LTBP4: variants seen among roughly 807,000 people sequenced by gnomAD.
LTBP4 encodes the protein latent transforming growth factor beta binding protein 4, also known as latent-transforming growth factor beta-binding protein 4.
A neutral mutation model predicts 180.2 loss-of-function variants in LTBP4; 93 were observed. The observed-to-expected ratio is 0.52, with a 90% confidence interval of 0.44 to 0.61. The LOEUF (loss-of-function observed/expected upper bound fraction) is 0.61, where lower values mean the gene tolerates loss of function less well. Among genes scored for constraint, LTBP4 ranks in the 20% least tolerant of loss-of-function variants. The pLI is 0.00. For missense variants in LTBP4, 2,116 were observed against 2,256.5 expected (o/e 0.94, Z 1.26); for synonymous variants, 947 against 934.5 (o/e 1.01, Z -0.24).
At position 40,629,701 on chromosome 19, in the gene LTBP4, T is replaced by TG; in HGVS notation, c.*152dup. 1 of 747,524 alleles carries TG rather than the reference T, an allele frequency of 1.3e-6. No individual in the cohort carries two copies. The allele number at this position is 747,524 out of a possible 1,614,324, so 46.3% of individuals were successfully genotyped here. ...GCCTGGAAGCTGCGACGCCCTGCAC[T>TG]GCTCCCGCCTCCACCAGCGCCTCCC... On this transcript the variant is annotated 3_prime_UTR_variant, in exon 30 of 30. Transcript: ENST00000396819. The surrounding 1 kb of genome is among the most constrained non-coding windows in gnomAD (Gnocchi z 4.5).
At position 40,605,783 on chromosome 19, in the gene LTBP4, G is replaced by T; in HGVS notation, c.745G>T (p.Gly249Cys). 1 of 1,541,678 alleles carries T rather than the reference G, an allele frequency of 6.5e-7. No homozygotes were observed. The change falls in exon 4 of 30, where the codon GGC becomes TGC. Residue 249 changes from glycine (G) to cysteine (C), a missense_variant. Around this residue, in one of 5 missense-constraint regions of LTBP4, gnomAD observed 469 missense variants for 532.5 expected, o/e 0.88. Transcript: ENST00000396819. This position sits in a 1 kb window ranked among gnomAD's most constrained non-coding sequence, Gnocchi z 5.5. ...RTQEVCCRGA[G>C]LAWGVHDCQL... ...GCAGGAGGTCTGCTGCCGAGGGGCC[G>T]GCTTGGCCTGGGGCGTTCACGACTG...
In LTBP4 at chr19:40,615,557, A is replaced by G. The variant is rs151338516; in HGVS notation, c.2812+1111A>G. Among the ~76,000 whole-genome samples the G allele has an allele frequency of 9.1e-3, 1,390 of 152,298 alleles. 22 individuals are homozygous for G. The highest frequency in any genetic ancestry group is 0.032 in the African/African-American group (1,326 of 41,548). Reference sequence around the variant, plus strand: ...GATGGATCACGAGGTCAGGAGATCGAGACTAGCCTGGCCAACATGGTGAAA... The same window carrying G: ...GATGGATCACGAGGTCAGGAGATCGGGACTAGCCTGGCCAACATGGTGAAA... On this transcript the variant is annotated intron_variant, in intron 19 of 29. Transcript: ENST00000396819.
At position 40,608,220 on chromosome 19, in the gene LTBP4, A is replaced by G; in HGVS notation, c.1157A>G (p.Glu386Gly). 6.2e-7 allele frequency: 1 copy of G among 1,613,842 alleles called. No individual in the cohort carries two copies. Among genetic ancestry groups the G allele is most frequent in the Non-Finnish European group, 8.5e-7 (1 of 1,179,888 alleles). ...GCQLCPPFGS[E>G]GFREICPAGP... ...CTCTGTCTCTCTTACCTATTCCCAG[A>G]GGGTTTCCGGGAGATCTGCCCGGCT... Residue 386 changes from glutamate to glycine, a missense_variant and splice_region_variant, in exon 8 of 30, where the codon GAG (glutamate) becomes GGG (glycine). By Grantham distance (98) the Glu-to-Gly change is moderately conservative. This residue lies in a region of LTBP4 where 877 missense variants were observed against 873.6 expected (regional missense o/e 1.00). Transcript: ENST00000396819.
At chr19:40,607,297 T>A in intron 6 of LTBP4, 68 bp from the exon 7 acceptor site, 9 of 335,968 alleles carry the variant, frequency 2.7e-5, no homozygotes, top group East Asian at 1.2e-4. Context: ...TTCCCCTCTC[T>A]CCCAAATCCC....
intron 1 of LTBP4, among the ~76,000 whole-genome samples, chr19:40,594,777 G>C (rs1452369958): frequency 1.3e-5 from 2 of 152,158 alleles, no homozygotes; most frequent in East Asian, 3.8e-4. Flanking sequence ...AGATTTCTGG[G>C]TGTCAGTGTG....
chr19:40,607,279 C>CCAAACA, intron 6 of LTBP4, 86 bp from the exon 7 acceptor site: 1 of 1,126,374 alleles, frequency 8.9e-7, no homozygotes, highest in Non-Finnish European at 1.3e-6. Flanking sequence ...CCCCCAACCC[C>CCAAACA]AGAACCATTC....
chr19:40,607,295 T>A, intron 6 of LTBP4, 70 bp from the exon 7 acceptor site: 2 of 275,734 alleles, frequency 7.3e-6, no homozygotes, highest in Non-Finnish European at 1.2e-5. Flanking sequence ...CATTCCCCTC[T>A]CTCCCAAATC....
chr19:40,604,146 G>A (rs2081442421), intron 1 of LTBP4, among the ~76,000 whole-genome samples: 2 of 152,318 alleles, frequency 1.3e-5, no homozygotes, highest in East Asian at 3.9e-4. Context: ...GCGTGAACAA[G>A]TGAGCCGGGC....
At chr19:40,601,228 C>T (rs2081420909), upstream of LTBP4, 4 of 415,168 alleles carry the variant, frequency 9.6e-6, no homozygotes, top group Non-Finnish European at 1.3e-5. Context: ...GCTAAGCGCC[C>T]AGCCCCACGC....
intron 7 of LTBP4, 54 bp from the exon 8 acceptor site, chr19:40,608,166 A>T: frequency 6.2e-7 from 1 of 1,604,666 alleles, no homozygotes; most frequent in East Asian, 2.2e-5. Context: ...TGGGCTGGCC[A>T]TCGTTTTCTT....
chr19:40,596,786 G>A (rs62107907), upstream of LTBP4, among the ~76,000 whole-genome samples: 39,860 of 151,834 alleles, frequency 0.26, 5,408 homozygotes, highest in South Asian at 0.31. Context: ...TTCTACGCCA[G>A]CGAGGGAGCT....
At position 40,613,478 on chromosome 19, in the gene LTBP4, T is replaced by A; in HGVS notation, c.2506T>A (p.Cys836Ser). ...ECLNTDGSFA[C>S]TCAPGYRPGP... ...CCTCAACACTGACGGCTCCTTTGCCTGTACTTGTGCCCCTGGCTACCGACC... is the reference window on the plus strand; with the variant it reads ...CCTCAACACTGACGGCTCCTTTGCCAGTACTTGTGCCCCTGGCTACCGACC... Residue 836 changes from cysteine to serine, a missense_variant, in exon 17 of 30, where the codon TGT becomes AGT. Transcript: ENST00000396819. This position sits in a 1 kb window ranked among gnomAD's most constrained non-coding sequence, Gnocchi z 5.0. The A allele has an allele frequency of 6.3e-7, 1 of 1,592,490 alleles. No homozygotes were observed. Among genetic ancestry groups the A allele is most frequent in the Admixed American group, 1.7e-5 (1 of 57,228 alleles).
chr19:40,627,154 C>A lies in LTBP4; in HGVS notation c.4165C>A (p.Pro1389Thr). Residue 1389 changes from proline (P) to threonine (T), a missense_variant, in exon 28 of 30, where the codon CCT becomes ACT. Pro to Thr is a conservative substitution (Grantham distance 38, BLOSUM62 -1). Transcript: ENST00000396819. The stretch of plus-strand genomic sequence containing the variant: ...ACCCTACGACCCCTACCCACCGCCA[C>A]CTGGGCCCTTCGCCCGCCGGGAGGC... ...ALPYDPYPPPPGPFARREAPY... is the reference protein window; with the variant it reads ...ALPYDPYPPPTGPFARREAPY... 6.2e-7 allele frequency: 1 copy of A among 1,613,304 alleles called. No homozygotes were observed. The highest frequency in any genetic ancestry group is 8.5e-7 in the Non-Finnish European group (1 of 1,179,726).
chr19:40,623,678 T>A lies in LTBP4; in HGVS notation c.3631T>A (p.Ser1211Thr). The A allele has an allele frequency of 6.2e-7, 1 of 1,613,860 alleles. No homozygotes were observed. Among genetic ancestry groups the A allele is most frequent in the Non-Finnish European group, 8.5e-7 (1 of 1,179,858 alleles). The change falls in exon 25 of 30, where the codon TCA becomes ACA. Residue 1211 changes from serine to threonine, a missense_variant. Ser to Thr is a moderately conservative substitution (Grantham distance 58). Coordinates refer to ENST00000396819, the MANE Select transcript of LTBP4 (RefSeq NM_001042545.2). ...GTGTGTGAACACGGCCCCGGGCTAC[T>A]CATGCTATTGCAGCAACGGCTACTA... ...GVCVNTAPGY[S>T]CYCSNGYYYH... is the part of the protein sequence containing the mutation.
intron 15 of LTBP4, 136 bp from the exon 16 acceptor site, chr19:40,612,929 A>T: frequency 1.2e-6 from 1 of 827,362 alleles, no homozygotes; most frequent in Non-Finnish European, 1.9e-6. Context: ...AGCCCTACCC[A>T]CCTCTGCCAT....
chr19:40,616,221 G>C (rs180853365), intron 19 of LTBP4, among the ~76,000 whole-genome samples: 2 of 151,244 alleles, frequency 1.3e-5, no homozygotes, highest in African/African-American at 4.9e-5. Flanking sequence ...CTGAACCCGG[G>C]AGGTTGAAGC....
Position 40,614,363 on chromosome 19 carries a change from G to C in LTBP4, c.2729G>C (p.Arg910Pro). The C allele has an allele frequency of 2.5e-6, 4 of 1,600,490 alleles. No homozygotes were observed. The highest frequency in any genetic ancestry group is 3.4e-6 in the Non-Finnish European group (4 of 1,179,808). The change falls in exon 19 of 30, where the codon CGC (arginine) becomes CCC (proline). Residue 910 changes from arginine (R) to proline (P), a missense_variant. Transcript: ENST00000396819. ...ERGPALCGSQ[R>P]CENSPGSYRC... is the part of the protein sequence containing the mutation. The stretch of plus-strand genomic sequence containing the variant: ...GGCCCAGCCCTGTGCGGGTCGCAGC[G>C]CTGTGAGAACTCTCCCGGCTCCTAC...
chr19:40,599,959 A>G, upstream of LTBP4: 2 of 488,462 alleles, frequency 4.1e-6, no homozygotes, highest in South Asian at 7.3e-5. Context: ...TTGTGGGGGG[A>G]GGGTTGGGCA....
chr19:40,613,677 G>C lies in LTBP4; in HGVS notation c.2557+148G>C. On this transcript the variant is annotated intron_variant, in intron 17 of 29. Coordinates refer to ENST00000396819, the MANE Select transcript of LTBP4 (RefSeq NM_001042545.2). The surrounding 1 kb of genome is among the most constrained non-coding windows in gnomAD (Gnocchi z 5.0). ...GGGGGCAGCTGGTGGGAGTCTCGAG[G>C]CAGTGAGGGGGGGCGGGGCGTGGAG... is the stretch of plus-strand genomic sequence containing the variant. The C allele has an allele frequency of 2.3e-6, 3 of 1,325,312 alleles. No individual in the cohort carries two copies. The South Asian group carries it at 3.8e-5, about 17-fold the overall frequency. The allele number at this position is 1,325,312 out of a possible 1,614,324, so 82.1% of individuals were successfully genotyped here.
Sources: allele counts gnomAD v4.1 joint callset (sites outside exome capture counted in the v4.1 genomes callset), GRCh38; gene constraint gnomAD v4.1.1; regional missense constraint gnomAD v4.1.1; non-coding constraint Gnocchi (gnomAD v3.1); transcripts MANE v1.5; gene names NCBI Gene and HGNC (gene_info 2026-07-23, HGNC 2026-07-21).